The following NR4A3 variants were observed in gnomAD, a reference collection of about 807,000 sequenced individuals.
NR4A3 encodes chondrosarcoma, extraskeletal myxoid, fused to EWS.
NR4A3 carries 13 observed loss-of-function variants against 55.6 expected under a neutral mutation model. That is an observed-to-expected ratio of 0.23 (90% confidence interval 0.15 to 0.37). The LOEUF is 0.37. Ranked by LOEUF, NR4A3 falls within the 10% of genes least tolerant of loss-of-function variation. NR4A3 has a pLI of 1.00. For synonymous variants in NR4A3, 342 were observed against 357.9 expected, an observed-to-expected ratio of 0.96 and a Z score of 0.50; for missense variants, 646 against 822.8, an observed-to-expected ratio of 0.79 and a Z score of 2.63.
intron 7 of NR4A3, among the ~76,000 whole-genome samples, chr9:99,851,462 T>C (rs980113788): frequency 2.6e-5 from 4 of 152,212 alleles, no homozygotes; most frequent in Non-Finnish European, 5.9e-5. Context: ...AATGGCATCT[T>C]AGAAGTTTAA....
In NR4A3 at chr9:99,866,177, G is replaced by C; in HGVS notation, c.*2310G>C. 1 of 213,852 alleles carries C rather than the reference G, an allele frequency of 4.7e-6. No individual in the cohort carries two copies. Among genetic ancestry groups the C allele is most frequent in the Non-Finnish European group, 9.5e-6 (1 of 105,564 alleles). 13.2% of individuals were successfully genotyped at this position (213,852 alleles called of 1,614,324 possible). On this transcript the variant is annotated 3_prime_UTR_variant, in exon 8 of 8. Coordinates refer to ENST00000395097, the MANE Select transcript of NR4A3 (RefSeq NM_006981.4). ...ATAAATATTATTAAATATCAGGAAA[G>C]CTAACATTTCATACAAGATAGCTTC...
intron 7 of NR4A3, among the ~76,000 whole-genome samples, chr9:99,860,195 T>G (rs1004918343): frequency 6.7e-6 from 1 of 149,796 alleles, no homozygotes; most frequent in Non-Finnish European, 1.5e-5. Context: ...TATTCTACTC[T>G]TTATTTAATG....
At position 99,828,019 on chromosome 9, in the gene NR4A3, AC is replaced by A. The variant is rs1564029600; in HGVS notation, c.-2-19del. The A allele has an allele frequency of 1.9e-6, 3 of 1,593,756 alleles. No homozygotes were observed. Among genetic ancestry groups the A allele is most frequent in the Admixed American group, 1.7e-5 (1 of 58,254 alleles). On this transcript the variant is annotated intron_variant, in intron 2 of 7. Transcript: ENST00000395097. This position sits in a 1 kb window ranked among gnomAD's most constrained non-coding sequence, Gnocchi z 7.7. ...ACAAGTGTTAACTTGCTTCTGAGAG[AC>A]CCTTTTCTCTGTCCCTGCAGATATG...
chr9:99,841,191 A>G (rs1445284188), intron 5 of NR4A3, among the ~76,000 whole-genome samples: 1 of 150,208 alleles, frequency 6.7e-6, no homozygotes, highest in African/African-American at 2.5e-5. Flanking sequence ...AAATCATGCC[A>G]CTGTACTCCA....
intron 7 of NR4A3, among the ~76,000 whole-genome samples, chr9:99,848,913 TG>T (rs1405361591): frequency 6.6e-6 from 1 of 151,934 alleles, no homozygotes; most frequent in Non-Finnish European, 1.5e-5. Context: ...TGACAGAGGG[TG>T]GGGGCTCCAG....
chr9:99,834,870 G>C (rs938672942), intron 5 of NR4A3: 2 of 984,256 alleles, frequency 2.0e-6, no homozygotes, highest in Middle Eastern at 5.2e-4. Flanking sequence ...ATTATAAGTA[G>C]TGGCTCTTGA....
chr9:99,829,560 C>T (rs1827398323), intron 3 of NR4A3, among the ~76,000 whole-genome samples: 1 of 152,190 alleles, frequency 6.6e-6, no homozygotes, highest in Admixed American at 6.5e-5. Flanking sequence ...CAGGACACAC[C>T]TTCAGAGAAG....
intron 7 of NR4A3, among the ~76,000 whole-genome samples, chr9:99,858,327 CCT>C (rs1402100436): frequency 2.0e-5 from 3 of 152,180 alleles, no homozygotes; most frequent in South Asian, 4.1e-4. Context: ...ACTCTCTCCC[CCT>C]GACTCCTTCT....
At chr9:99,841,230 C>T (rs796556251) in intron 5 of NR4A3, among the ~76,000 whole-genome samples, 6 of 94,780 alleles carry the variant, frequency 6.3e-5, no homozygotes, top group Non-Finnish European at 1.3e-4. Flanking sequence ...ACTCTGTCTC[C>T]GAAAAAAAAA....
rs754029981 is a variant in NR4A3 at position 99,828,802 on chromosome 9, C to G, written c.760C>G (p.Leu254Val). Residue 254 changes from leucine to valine, a missense_variant, in exon 3 of 8, where the codon CTG becomes GTG. Physicochemically the swap from Leu to Val is conservative, Grantham distance 32 (BLOSUM62 1). Coordinates refer to ENST00000395097, the MANE Select transcript of NR4A3 (RefSeq NM_006981.4). The surrounding 1 kb of genome is among the most constrained non-coding windows in gnomAD (Gnocchi z 7.7). ...GCCGCTGGCCAAGAGGGCGGCCCCG[C>G]TGGCCTTCCCGCCTCTCGGCCTCAC... The part of the protein sequence containing the change: ...GLPLAKRAAP[L>V]AFPPLGLTPS... 2.6e-5 allele frequency: 38 copies of G among 1,471,144 alleles called. No individual in the cohort carries two copies. The Admixed American group carries it at 5.1e-4, about 20-fold the overall frequency. The allele number at this position is 1,471,144 out of a possible 1,614,324, so 91.1% of individuals were successfully genotyped here.
In NR4A3 at chr9:99,829,603, C is replaced by G. The variant is rs186009351; in HGVS notation, c.951+610C>G. 3.9e-4 allele frequency among the ~76,000 whole-genome samples: 60 copies of G among 152,306 alleles called. No homozygotes were observed. In the East Asian group the frequency reaches 7.1e-3, roughly 18 times the overall value. On this transcript the variant is annotated intron_variant, in intron 3 of 7. Transcript: ENST00000395097. ...GAGGCAGGATGCCAACCCACGTTTG[C>G]GTGACCCCAAAGTCCATTCCCTTTT...
chr9:99,826,513 A>C (rs1476195766), intron 2 of NR4A3, among the ~76,000 whole-genome samples: 1 of 152,260 alleles, frequency 6.6e-6, no homozygotes, highest in Non-Finnish European at 1.5e-5. Flanking sequence ...GACAGAAAAG[A>C]GTAATGGAGA....
chr9:99,842,573 A>G lies in NR4A3; in HGVS notation c.1255-2076A>G, dbSNP rs35292906. On this transcript the variant is annotated intron_variant, in intron 5 of 7. Coordinates refer to ENST00000395097, the MANE Select transcript of NR4A3 (RefSeq NM_006981.4). Reference sequence around the variant, plus strand: ...TGGTGAAACCCTGTCTCTACTAAAAATACAAAAGTTAGCCAGGCATGGTAG... The same window carrying G: ...TGGTGAAACCCTGTCTCTACTAAAAGTACAAAAGTTAGCCAGGCATGGTAG... 4.8e-3 allele frequency among the ~76,000 whole-genome samples: 731 copies of G among 152,290 alleles called. 3 individuals are homozygous for G. Among genetic ancestry groups the G allele is most frequent in the Non-Finnish European group, 8.6e-3 (582 of 68,016 alleles).
chr9:99,836,515 AC>A (rs1564032652), intron 5 of NR4A3, among the ~76,000 whole-genome samples: 1 of 152,194 alleles, frequency 6.6e-6, no homozygotes, highest in Non-Finnish European at 1.5e-5. Flanking sequence ...GCTGGGATTT[AC>A]TGTTTCTGGG....
chr9:99,832,577 G>A lies in NR4A3; in HGVS notation c.952-112G>A, dbSNP rs995103616. The stretch of plus-strand genomic sequence containing the variant: ...AGCGTTTTAGGAAATTAAATTTATC[G>A]AATTATACGAATTGCACTGTCGCTT... On this transcript the variant is annotated intron_variant, in intron 3 of 7. Transcript: ENST00000395097. 1.8e-5 allele frequency: 16 copies of A among 876,686 alleles called. No homozygotes were observed. In the East Asian group the frequency reaches 3.7e-4, roughly 20 times the overall value. The allele number at this position is 876,686 out of a possible 1,614,324, so 54.3% of individuals were successfully genotyped here.
intron 5 of NR4A3, among the ~76,000 whole-genome samples, chr9:99,840,774 T>C (rs1217902183): frequency 2.6e-5 from 4 of 152,152 alleles, no homozygotes; most frequent in Non-Finnish European, 5.9e-5. Context: ...TCCCACTCAT[T>C]TGGGAGTTTC....
At chr9:99,858,584 G>C (rs1339280053) in intron 7 of NR4A3, among the ~76,000 whole-genome samples, 1 of 152,236 alleles carries the variant, frequency 6.6e-6, no homozygotes, top group East Asian at 1.9e-4. Flanking sequence ...ACAGAAAATA[G>C]GAGAGAGTTA....
At chr9:99,860,041 CA>C (rs1827984048) in intron 7 of NR4A3, among the ~76,000 whole-genome samples, 2 of 152,168 alleles carry the variant, frequency 1.3e-5, no homozygotes, top group African/African-American at 4.8e-5. Flanking sequence ...CATTATTATA[CA>C]AAGAGCACAA....
At position 99,825,641 on chromosome 9, in the gene NR4A3, C is replaced by G. The variant is rs1827281000; in HGVS notation, c.-176-18C>G. 6.4e-6 allele frequency: 1 copy of G among 155,226 alleles called. No homozygotes were observed. Among genetic ancestry groups the G allele is most frequent in the Non-Finnish European group, 1.4e-5 (1 of 69,554 alleles). The allele number at this position is 155,226 out of a possible 1,614,324, so 9.6% of individuals were successfully genotyped here. The stretch of plus-strand genomic sequence containing the variant: ...CTGGTCTCACTGTGACCTATGTCCT[C>G]TTTCACCTTGCCTGTAGAGCCCACT... On this transcript the variant is annotated intron_variant, in intron 1 of 7. Coordinates refer to ENST00000395097, the MANE Select transcript of NR4A3 (RefSeq NM_006981.4). This position sits in a 1 kb window ranked among gnomAD's most constrained non-coding sequence, Gnocchi z 5.0.
Sources: gnomAD v4.1 joint callset for allele counts (sites outside exome capture counted in the v4.1 genomes callset) on GRCh38, gnomAD v4.1.1 for gene constraint, Gnocchi (gnomAD v3.1) non-coding constraint, MANE v1.5 for transcripts, NCBI Gene and HGNC (gene_info 2026-07-23, HGNC 2026-07-21) for gene names.